Variants in GRM7 observed in about 807,000 individuals in gnomAD.
GRM7 encodes glutamate metabotropic receptor 7.
GRM7 carries 35 observed loss-of-function variants against 84.5 expected under a neutral mutation model. That is an observed-to-expected ratio of 0.41 (90% CI 0.32 to 0.55). The LOEUF is 0.55. GRM7 is among the 20% of genes least tolerant of loss of function. The pLI, the probability that GRM7 is intolerant of heterozygous loss-of-function variation, is 0.19. For synonymous variants in GRM7, 487 were observed against 455.1 expected, an observed-to-expected ratio of 1.07 and a Z score of -0.89; for missense variants, 1,003 against 1,194.6, an observed-to-expected ratio of 0.84 and a Z score of 2.36.
At chr3:7,479,896 G>C (rs188784735) in intron 7 of GRM7, among the ~76,000 whole-genome samples, 222 of 152,238 alleles carry the variant, frequency 1.5e-3, no homozygotes, top group Middle Eastern at 6.8e-3. Context: ...TCACATAAAA[G>C]TTAACTAACT....
chr3:6,953,234 A>G (rs1692864446), intron 1 of GRM7, among the ~76,000 whole-genome samples: 1 of 152,158 alleles, frequency 6.6e-6, no homozygotes, highest in South Asian at 2.1e-4. Flanking sequence ...TTTGTTTTGA[A>G]TACAGTTAGA....
intron 1 of GRM7, among the ~76,000 whole-genome samples, chr3:6,869,429 T>A (rs1306839448): frequency 6.6e-6 from 1 of 152,220 alleles, no homozygotes; most frequent in African/African-American, 2.4e-5. Flanking sequence ...CAGATGGACA[T>A]TAAGTGTCAA....
intron 7 of GRM7, among the ~76,000 whole-genome samples, chr3:7,504,709 G>A (rs1432653828): frequency 3.3e-5 from 5 of 152,154 alleles, no homozygotes; most frequent in Non-Finnish European, 7.3e-5. Flanking sequence ...CCATTCATGA[G>A]GGCAGAGCCT....
At chr3:7,294,823 A>G (rs1402745692) in intron 2 of GRM7, among the ~76,000 whole-genome samples, 1 of 152,194 alleles carries the variant, frequency 6.6e-6, no homozygotes, top group Non-Finnish European at 1.5e-5. Flanking sequence ...AATGTGCTTC[A>G]CAAGCTCTTC....
At chr3:7,594,869 G>A (rs1045908307) in intron 8 of GRM7, among the ~76,000 whole-genome samples, 1 of 152,076 alleles carries the variant, frequency 6.6e-6, no homozygotes, top group Non-Finnish European at 1.5e-5. Flanking sequence ...TTCTTACAAG[G>A]TTGAAAATGT....
intron 4 of GRM7, 96 bp downstream of exon 4, chr3:7,306,748 C>G: frequency 9.7e-7 from 1 of 1,030,844 alleles, no homozygotes; most frequent in Non-Finnish European, 1.4e-6. Flanking sequence ...GCATTTTTAC[C>G]AAACTCATGT....
intron 4 of GRM7, among the ~76,000 whole-genome samples, chr3:7,360,896 C>T (rs1227153814): frequency 2.0e-5 from 3 of 152,012 alleles, no homozygotes; most frequent in Admixed American, 6.6e-5. Flanking sequence ...TGAAATCTTA[C>T]GTTTTGAAAG....
At chr3:7,630,919 G>C (rs959833551) in intron 8 of GRM7, among the ~76,000 whole-genome samples, 1 of 152,178 alleles carries the variant, frequency 6.6e-6, no homozygotes, top group Non-Finnish European at 1.5e-5. Context: ...GTGAATACAG[G>C]ATGAATTTTT....
At chr3:7,219,996 A>C (rs1290126037) in intron 2 of GRM7, among the ~76,000 whole-genome samples, 3 of 152,246 alleles carry the variant, frequency 2.0e-5, no homozygotes, top group African/African-American at 7.2e-5. Context: ...TAAACAAAAA[A>C]ATAAATAAAG....
intron 9 of GRM7, among the ~76,000 whole-genome samples, chr3:7,730,103 G>C (rs1249608295): frequency 6.7e-6 from 1 of 149,142 alleles, no homozygotes; most frequent in Non-Finnish European, 1.5e-5. Context: ...TCGATCTGTT[G>C]ACCTTATGAT....
chr3:6,926,786 G>T (rs1214015924), intron 1 of GRM7, among the ~76,000 whole-genome samples: 2 of 152,172 alleles, frequency 1.3e-5, no homozygotes, highest in South Asian at 2.1e-4. Flanking sequence ...AACCAGGATT[G>T]ATTTCATAAA....
chr3:7,595,618 C>T (rs1012154391), intron 8 of GRM7, among the ~76,000 whole-genome samples: 3 of 151,794 alleles, frequency 2.0e-5, no homozygotes, highest in Non-Finnish European at 2.9e-5. Flanking sequence ...AGTGAGAGGG[C>T]GGTCAGGGAT....
chr3:7,271,413 G>T (rs1698850164), intron 2 of GRM7, among the ~76,000 whole-genome samples: 1 of 151,908 alleles, frequency 6.6e-6, no homozygotes, highest in African/African-American at 2.4e-5. Context: ...CAAAAAATTA[G>T]CCGGGCGTGG....
intron 4 of GRM7, among the ~76,000 whole-genome samples, chr3:7,375,796 A>G (rs1694326344): frequency 6.6e-6 from 1 of 152,160 alleles, no homozygotes; most frequent in Non-Finnish European, 1.5e-5. Context: ...ATAACCTCAG[A>G]AAAATGTCCT....
chr3:7,668,627 TG>T (rs1318837952), intron 8 of GRM7, among the ~76,000 whole-genome samples: 14 of 152,142 alleles, frequency 9.2e-5, no homozygotes, highest in African/African-American at 3.1e-4. Flanking sequence ...GATAACAAAC[TG>T]GGTGGGGTAG....
intron 9 of GRM7, among the ~76,000 whole-genome samples, chr3:7,724,832 C>A (rs188849084): frequency 6.6e-6 from 1 of 152,202 alleles, no homozygotes; most frequent in African/African-American, 2.4e-5. Context: ...AATCATAGCT[C>A]ACTCACTGCA....
chr3:7,669,876 G>A (rs1409264635), intron 8 of GRM7, among the ~76,000 whole-genome samples: 2 of 146,974 alleles, frequency 1.4e-5, no homozygotes, highest in Non-Finnish European at 2.9e-5. Flanking sequence ...GTTCCATTTA[G>A]AGGCATGGAC....
At chr3:7,561,573 T>C (rs750798002) in intron 7 of GRM7, 7 of 456,214 alleles carry the variant, frequency 1.5e-5, no homozygotes, top group Admixed American at 9.4e-5. Flanking sequence ...CCCTTAGTAG[T>C]GTAAGCATAT....
rs978002982 is a variant in GRM7 at position 7,186,305 on chromosome 3, A to G, written c.736+39637A>G. 2.6e-5 allele frequency among the ~76,000 whole-genome samples: 4 copies of G among 152,356 alleles called. No individual in the cohort carries two copies. In the South Asian group the frequency reaches 8.3e-4, roughly 32 times the overall value. ...AAATTTGAGTGCTTAGCACATGGGC[A>G]TAGTTCTTCTTTCTTCTCCCCTTAA... On this transcript the variant is annotated intron_variant, in intron 2 of 9. Coordinates refer to ENST00000357716, the MANE Select transcript of GRM7 (RefSeq NM_000844.4).
Sources: allele counts gnomAD v4.1 joint callset (sites outside exome capture counted in the v4.1 genomes callset), GRCh38; gene constraint gnomAD v4.1.1; transcripts MANE v1.5; gene names NCBI Gene and HGNC (gene_info 2026-07-23, HGNC 2026-07-21).